Variants in GLA observed in about 807,000 individuals in gnomAD.
The protein encoded by GLA is galactosidase alpha.
In GLA, 4 loss-of-function variants were observed where a neutral mutation model predicts 28.2. That is an observed-to-expected ratio of 0.14 (90% CI 0.07 to 0.32). The LOEUF is 0.32. Among genes scored for constraint, GLA ranks in the 10% least tolerant of loss-of-function variants. The pLI, the probability that GLA is intolerant of heterozygous loss-of-function variation, is 1.00. For missense variants in GLA, 203 were observed against 323.7 expected (o/e 0.63, Z 2.86); for synonymous variants, 94 against 113.0 (o/e 0.83, Z 1.07).
At chrX:101,401,950 A>G (rs1163821464) in intron 2 of GLA, 141 bp from the exon 3 acceptor site, 5 of 561,666 alleles carry the variant, frequency 8.9e-6, no homozygotes, top group Non-Finnish European at 1.5e-5. Flanking sequence ...AACCCCCAAA[A>G]TCATCCAGAT....
At chrX:101,404,054 G>A (rs1348354853) in intron 1 of GLA, 69 bp from the exon 2 acceptor site, 2 of 996,468 alleles carry the variant, frequency 2.0e-6, no homozygotes, top group Non-Finnish European at 2.8e-6. Flanking sequence ...CATTTATTAG[G>A]CACCTTGGGA....
At chrX:101,402,928 C>A (rs782523361) in intron 2 of GLA, among the ~76,000 whole-genome samples, 35 of 111,551 alleles carry the variant, frequency 3.1e-4, no homozygotes, top group Non-Finnish European at 3.6e-4. Flanking sequence ...TGTCAAGAAC[C>A]AAGTTCCTTT....
In GLA at chrX:101,401,628, T is replaced by G; in HGVS notation, c.547+4A>C. 1 of 1,206,002 alleles carries G rather than the reference T, an allele frequency of 8.3e-7. No homozygotes were observed. The highest frequency in any genetic ancestry group is 1.1e-6 in the Non-Finnish European group (1 of 890,333). ...GTGGCTAAATCTCTGGAATGAAACA[T>G]TACCATCTGCCAAATTTTCCAAACT... is the stretch of plus-strand genomic sequence containing the variant. On this transcript the variant is annotated splice_donor_region_variant and intron_variant, in intron 3 of 6. Transcript: ENST00000218516.
At chrX:101,404,531 A>C (rs116604474) in intron 1 of GLA, among the ~76,000 whole-genome samples, 1 of 110,139 alleles carries the variant, frequency 9.1e-6, no homozygotes, top group Non-Finnish European at 1.9e-5. Flanking sequence ...CAAAATCCTT[A>C]ACAAAGCCCA....
intron 2 of GLA, among the ~76,000 whole-genome samples, chrX:101,402,494 G>A (rs1465134559): frequency 1.8e-5 from 2 of 112,541 alleles, no homozygotes; most frequent in Non-Finnish European, 3.7e-5. Flanking sequence ...GCCGGGCGTG[G>A]TGGCTCATGC....
Position 101,398,953 on chromosome X carries a change from A to G in GLA, c.640-7T>C. 1 of 1,193,572 alleles carries G rather than the reference A, an allele frequency of 8.4e-7. No individual in the cohort carries two copies. Among genetic ancestry groups the G allele is most frequent in the Non-Finnish European group, 1.1e-6 (1 of 879,828 alleles). ...GGATTTCTGTATAATTGGGCTGTGA[A>G]AACAGATATGACTCTTCTGTTTACT... On this transcript the variant is annotated splice_polypyrimidine_tract_variant and splice_region_variant and intron_variant, in intron 4 of 6. Transcript: ENST00000218516.
At chrX:101,401,881 T>G in intron 2 of GLA, 72 bp from the exon 3 acceptor site, 1 of 987,817 alleles carries the variant, frequency 1.0e-6, no homozygotes, top group Non-Finnish European at 1.4e-6. Flanking sequence ...GAGAGAACCA[T>G]TCCAGGCTGG....
At chrX:101,400,979 G>A (rs1186962603) in intron 3 of GLA, 2 of 259,930 alleles carry the variant, frequency 7.7e-6, no homozygotes, top group African/African-American at 5.7e-5. Context: ...GGGATTACAG[G>A]CATGTGCCAC....
At chrX:101,399,495 C>T (rs1213891522) in intron 4 of GLA, among the ~76,000 whole-genome samples, 3 of 112,152 alleles carry the variant, frequency 2.7e-5, no homozygotes, top group Non-Finnish European at 5.6e-5. Flanking sequence ...ACCCGGGAGG[C>T]GGAGGTTGCA....
intron 4 of GLA, among the ~76,000 whole-genome samples, chrX:101,400,160 G>C (rs924452081): frequency 9.0e-6 from 1 of 111,030 alleles, no homozygotes; most frequent in African/African-American, 3.3e-5. Flanking sequence ...GCAGGGAACT[G>C]ATGATGACAT....
At chrX:101,398,178 A>C (rs1254124779) in intron 6 of GLA, 79 bp from the exon 7 acceptor site, 2 of 916,365 alleles carry the variant, frequency 2.2e-6, no homozygotes, top group African/African-American at 2.0e-5. Flanking sequence ...TCTTAATGTC[A>C]GAACTATCAA....
Position 101,398,890 on chromosome X carries a change from A to T in GLA, c.696T>A (p.Ile232=), listed in dbSNP as rs1928194735. ...YCNHWRNFAD[I]DDSWKSIKSI... ...TCTTTATACTTTTCCAGGAATCATCAATGTCAGCAAAATTTCGCCAGTGAT... is the reference window on the plus strand; with the variant it reads ...TCTTTATACTTTTCCAGGAATCATCTATGTCAGCAAAATTTCGCCAGTGAT... The change falls in exon 5 of 7, where the codon ATT becomes ATA. Residue 232 remains isoleucine, a synonymous_variant. Transcript: ENST00000218516. 8.3e-7 allele frequency: 1 copy of T among 1,207,941 alleles called. No homozygotes were observed. Among genetic ancestry groups the T allele is most frequent in the Admixed American group, 2.2e-5 (1 of 46,026 alleles).
chrX:101,401,921 T>C, intron 2 of GLA, 112 bp from the exon 3 acceptor site: 1 of 716,085 alleles, frequency 1.4e-6, no homozygotes, highest in Non-Finnish European at 2.2e-6. Flanking sequence ...TCACCAGGTA[T>C]TGGGGGCTTT....
In GLA at chrX:101,407,842, A is replaced by G. The variant is rs869312135; in HGVS notation, c.62T>C (p.Leu21Pro). 1 of 1,209,858 alleles carries G rather than the reference A, an allele frequency of 8.3e-7. No individual in the cohort carries two copies. Among genetic ancestry groups the G allele is most frequent in the Non-Finnish European group, 1.1e-6 (1 of 894,819 alleles). ...AGCCCCAGGGATGTCCCAGGAAACG[A>G]GGGCCAGGAAGCGAAGCGCAAGCGC... ...GCALALRFLA[L>P]VSWDIPGARA... Residue 21 changes from leucine (L) to proline (P), a missense_variant, in exon 1 of 7, where the codon CTC becomes CCC. By Grantham distance (98) the Leu-to-Pro change is moderately conservative. Transcript: ENST00000218516.
rs3027590 is a variant in GLA at position 101,399,265 on chromosome X, T to C, written c.640-319A>G. Among the ~76,000 whole-genome samples the C allele has an allele frequency of 0.037, 4,219 of 112,679 alleles. 205 individuals carry two copies. Among genetic ancestry groups the C allele is most frequent in the African/African-American group, 0.13 (4,016 of 30,957 alleles). On this transcript the variant is annotated intron_variant, in intron 4 of 6. Coordinates refer to ENST00000218516, the MANE Select transcript of GLA (RefSeq NM_000169.3). The stretch of plus-strand genomic sequence containing the variant: ...AAATCCCAGGCATATAGTTTGTTAA[T>C]GGAATAAAAAGTTTGTAGAGGCTGG...
chrX:101,402,759 G>A (rs1012631956), intron 2 of GLA, among the ~76,000 whole-genome samples: 10 of 107,076 alleles, frequency 9.3e-5, no homozygotes, highest in African/African-American at 2.4e-4. Context: ...GCGAGACTCC[G>A]TCAAAAAAAA....
rs782312990 is a variant in GLA at position 101,400,273 on chromosome X, G to A, written c.639+393C>T. ...TAACTCTAGTGCTGCTTGGAAAATAGATGGGGGTTGAGACAGAGTGGAAGC... is the reference window on the plus strand; with the variant it reads ...TAACTCTAGTGCTGCTTGGAAAATAAATGGGGGTTGAGACAGAGTGGAAGC... On this transcript the variant is annotated intron_variant, in intron 4 of 6. Transcript: ENST00000218516. Among the ~76,000 whole-genome samples the A allele has an allele frequency of 2.8e-4, 31 of 111,236 alleles. No homozygotes were observed. In the East Asian group the frequency reaches 8.4e-3, roughly 30 times the overall value.
chrX:101,401,886 G>T (rs1363293790), intron 2 of GLA, 77 bp from the exon 3 acceptor site: 1 of 766,913 alleles, frequency 1.3e-6, no homozygotes, highest in African/African-American at 2.5e-5. Context: ...AACCATTCCA[G>T]GCTGGGGGAA....
chrX:101,399,211 T>C (rs1555985239), intron 4 of GLA, among the ~76,000 whole-genome samples: 1 of 112,548 alleles, frequency 8.9e-6, no homozygotes, highest in African/African-American at 3.2e-5. Flanking sequence ...CAAAATTACA[T>C]AGGACTCCAT....
Sources: gnomAD v4.1 joint callset for allele counts (sites outside exome capture counted in the v4.1 genomes callset) on GRCh38, gnomAD v4.1.1 for gene constraint, MANE v1.5 for transcripts, NCBI Gene and HGNC (gene_info 2026-07-23, HGNC 2026-07-21) for gene names.